Variants in MKRN2OS observed in about 807,000 individuals in gnomAD.
The protein encoded by MKRN2OS is MKRN2 opposite strand protein.
A neutral mutation model predicts 18.2 loss-of-function variants in MKRN2OS; 17 were observed. The observed-to-expected ratio is 0.93, with a 90% confidence interval of 0.64 to 1.40. The LOEUF (loss-of-function observed/expected upper bound fraction) is 1.40, where lower values mean the gene tolerates loss of function less well. Among genes scored for constraint, MKRN2OS ranks in the 40% most tolerant of loss-of-function variants. The pLI, the probability that MKRN2OS is intolerant of heterozygous loss-of-function variation, is 0.00. For missense variants in MKRN2OS, 337 were observed against 283.0 expected, an observed-to-expected ratio of 1.19 and a Z score of -1.37; for synonymous variants, 121 against 108.5, an observed-to-expected ratio of 1.12 and a Z score of -0.72.
At chr3:12,555,462 T>C (rs1001251906) in intron 1 of MKRN2OS, among the ~76,000 whole-genome samples, 2 of 152,086 alleles carry the variant, frequency 1.3e-5, no homozygotes, top group African/African-American at 4.8e-5. Flanking sequence ...AAGTTCTAAA[T>C]AATTGGAAGT....
chr3:12,557,690 G>C (rs2442819), intron 1 of MKRN2OS, among the ~76,000 whole-genome samples: 70,618 of 151,776 alleles, frequency 0.47, 17,863 homozygotes, highest in African/African-American at 0.66. Context: ...ACGACAGGTA[G>C]CATATTGTGA....
intron 1 of MKRN2OS, among the ~76,000 whole-genome samples, chr3:12,543,747 C>A (rs555286534): frequency 1.3e-5 from 2 of 151,808 alleles, no homozygotes; most frequent in African/African-American, 2.4e-5. Context: ...CAAAAATTAG[C>A]TGGGCATGGT....
At chr3:12,556,701 GTGAGTGCGAGTA>G (rs1204580258) in intron 1 of MKRN2OS, among the ~76,000 whole-genome samples, 1 of 152,180 alleles carries the variant, frequency 6.6e-6, no homozygotes, top group African/African-American at 2.4e-5. Context: ...AGGGTGCCCA[GTGAGTGCGAGTA>G]TGAATGGATA....
intron 1 of MKRN2OS, among the ~76,000 whole-genome samples, chr3:12,559,315 A>T (rs191123703): frequency 1.3e-5 from 2 of 152,166 alleles, no homozygotes; most frequent in Non-Finnish European, 2.9e-5. Flanking sequence ...TTCTCACTTT[A>T]TTATCTCATT....
chr3:12,551,830 G>C (rs112152560), downstream of MKRN2OS, among the ~76,000 whole-genome samples: 173 of 152,130 alleles, frequency 1.1e-3, no homozygotes, highest in African/African-American at 4.0e-3. Context: ...TGTAGTCCCA[G>C]CTATTCCAGA....
At chr3:12,540,703 G>A (rs955478877) in intron 3 of MKRN2OS, among the ~76,000 whole-genome samples, 7 of 151,828 alleles carry the variant, frequency 4.6e-5, no homozygotes, top group African/African-American at 1.2e-4. Context: ...GTGAAACCCC[G>A]TCCCTACAAA....
upstream of MKRN2OS, among the ~76,000 whole-genome samples, chr3:12,548,863 TATAAA>T (rs1473339367): frequency 2.0e-5 from 3 of 152,244 alleles, no homozygotes; most frequent in Non-Finnish European, 4.4e-5. Context: ...TTAATCTTGT[TATAAA>T]ATAAAACATA....
In MKRN2OS at chr3:12,540,414, T is replaced by TA. The variant is rs2057779913; in HGVS notation, c.450dup (p.Asn151Ter). On this transcript the variant is annotated frameshift_variant, in exon 4 of 4. Transcript: ENST00000564146. LOFTEE classifies it low-confidence loss of function (END_TRUNC). The stretch of plus-strand genomic sequence containing the variant: ...AACGTGAGTGCGTAAGAGTAGCAGT[T>TA]ATGGTGGTTGTCTTCATACCTTATG... The TA allele has an allele frequency of 2.6e-6, 4 of 1,536,084 alleles. No individual in the cohort carries two copies. The highest frequency in any genetic ancestry group is 3.5e-6 in the Non-Finnish European group (4 of 1,146,900).
At chr3:12,551,641 GA>G (rs1336050249), downstream of MKRN2OS, among the ~76,000 whole-genome samples, 2 of 151,460 alleles carry the variant, frequency 1.3e-5, no homozygotes, top group Non-Finnish European at 2.9e-5. Flanking sequence ...GATTTATTAA[GA>G]AAAAAAATCA....
intron 2 of MKRN2OS, 110 bp downstream of exon 2, chr3:12,543,070 C>T: frequency 1.1e-6 from 1 of 874,568 alleles, no homozygotes; most frequent in Admixed American, 2.4e-5. Flanking sequence ...TACAAGAACC[C>T]AGTGAACAAT....
At chr3:12,558,546 A>T (rs1036265633) in intron 1 of MKRN2OS, among the ~76,000 whole-genome samples, 8 of 152,222 alleles carry the variant, frequency 5.3e-5, no homozygotes, top group Admixed American at 3.9e-4. Flanking sequence ...CATTTATGTA[A>T]TAATGCTTTA....
At chr3:12,548,316 C>T (rs1250696388), upstream of MKRN2OS, among the ~76,000 whole-genome samples, 5 of 152,058 alleles carry the variant, frequency 3.3e-5, no homozygotes, top group Admixed American at 6.6e-5. Flanking sequence ...GGCACGGTGG[C>T]GGGTGTCTGC....
intron 1 of MKRN2OS, among the ~76,000 whole-genome samples, chr3:12,558,066 T>C (rs1180547118): frequency 1.3e-5 from 2 of 152,220 alleles, no homozygotes; most frequent in African/African-American, 4.8e-5. Flanking sequence ...AAAATGCAAA[T>C]TTCATTTAAT....
At chr3:12,552,722 A>G (rs2057938803), downstream of MKRN2OS, among the ~76,000 whole-genome samples, 1 of 151,594 alleles carries the variant, frequency 6.6e-6, no homozygotes, top group African/African-American at 2.4e-5. Flanking sequence ...TTAAATCTTT[A>G]ATTAAAAATC....
intron 1 of MKRN2OS, among the ~76,000 whole-genome samples, chr3:12,554,655 A>G (rs979644433): frequency 6.6e-6 from 1 of 152,140 alleles, no homozygotes; most frequent in Admixed American, 6.5e-5. Flanking sequence ...ACAACGGAAT[A>G]CTATACAGTT....
chr3:12,545,455 C>G lies in MKRN2OS; in HGVS notation c.10G>C (p.Ala4Pro). 2.0e-6 allele frequency: 3 copies of G among 1,530,214 alleles called. No homozygotes were observed. Among genetic ancestry groups the G allele is most frequent in the Non-Finnish European group, 2.6e-6 (3 of 1,144,040 alleles). 94.8% of individuals were successfully genotyped at this position (1,530,214 alleles called of 1,614,324 possible). A position where few individuals can be genotyped will look rare whatever the true frequency, so the allele number is the denominator to read the frequency against. The change falls in exon 1 of 4, where the codon GCA (alanine) becomes CCA (proline). Residue 4 changes from alanine to proline, a missense_variant. Coordinates refer to ENST00000564146, the MANE Select transcript of MKRN2OS (RefSeq NM_001195279.2). The part of the protein sequence containing the change: MHC[A>P]EAGKALIKFN... The stretch of plus-strand genomic sequence containing the variant: ...TTAATTAAAGCCTTCCCAGCCTCTG[C>G]GCAGTGCATAGCTTTCGCCTCCTGG...
chr3:12,543,752 C>T (rs1559380940), intron 1 of MKRN2OS, among the ~76,000 whole-genome samples: 1 of 150,860 alleles, frequency 6.6e-6, no homozygotes, highest in Non-Finnish European at 1.5e-5. Flanking sequence ...ATTAGCTGGG[C>T]ATGGTGGAGG....
upstream of MKRN2OS, among the ~76,000 whole-genome samples, chr3:12,550,139 ATAGACG>A (rs1313091736): frequency 6.6e-6 from 1 of 152,240 alleles, no homozygotes; most frequent in Non-Finnish European, 1.5e-5. Context: ...AAACCTGCAC[ATAGACG>A]TTTACAGCAG....
At chr3:12,549,443 A>G (rs954848606), upstream of MKRN2OS, among the ~76,000 whole-genome samples, 3 of 146,376 alleles carry the variant, frequency 2.0e-5, no homozygotes, top group Non-Finnish European at 4.5e-5. Flanking sequence ...GGGTTTCACC[A>G]TGTTGGCCAG....
Sources: allele counts gnomAD v4.1 joint callset (sites outside exome capture counted in the v4.1 genomes callset), GRCh38; gene constraint gnomAD v4.1.1; transcripts MANE v1.5; gene names NCBI Gene and HGNC (gene_info 2026-07-23, HGNC 2026-07-21).